The following PRCP variants were observed in gnomAD, a reference collection of about 807,000 sequenced individuals.
PRCP encodes lysosomal Pro-X carboxypeptidase.
Under a neutral mutation model 54.2 loss-of-function variants are expected in PRCP, and 46 were observed. The ratio of observed to expected loss-of-function variants is 0.85; its 90% confidence interval spans 0.67 to 1.09. PRCP has a LOEUF of 1.09. PRCP is among the 50% of genes least tolerant of loss of function. The pLI is 0.00. For missense variants in PRCP, 613 were observed against 596.8 expected (o/e 1.03, Z -0.28); for synonymous variants, 240 against 212.2 (o/e 1.13, Z -1.14).
intron 1 of PRCP, among the ~76,000 whole-genome samples, chr11:82,867,502 T>C (rs1859367030): frequency 6.6e-6 from 1 of 152,224 alleles, no homozygotes; most frequent in South Asian, 2.1e-4. Flanking sequence ...AGGGAGATTC[T>C]ATCTGTTGGT....
chr11:82,847,480 C>T (rs563350588), intron 6 of PRCP, among the ~76,000 whole-genome samples: 38 of 152,326 alleles, frequency 2.5e-4, no homozygotes, highest in African/African-American at 9.1e-4. Flanking sequence ...AGACAGCATA[C>T]ATGAAAGCGC....
chr11:82,879,914 C>G (rs1370764984), intron 1 of PRCP, among the ~76,000 whole-genome samples: 2 of 152,186 alleles, frequency 1.3e-5, no homozygotes, highest in South Asian at 2.1e-4. Flanking sequence ...CTCAGAGGGG[C>G]ACCCAGTTGT....
At position 82,860,081 on chromosome 11, in the gene PRCP, TAA is replaced by T. The variant is rs1407396003; in HGVS notation, c.203_204del (p.Phe68Ter). 6.4e-7 allele frequency: 1 copy of T among 1,565,316 alleles called. No individual in the cohort carries two copies. Among genetic ancestry groups the T allele is most frequent in the Non-Finnish European group, 8.7e-7 (1 of 1,154,860 alleles). On this transcript the variant is annotated frameshift_variant, in exon 2 of 9. Transcript: ENST00000313010. LOFTEE classifies it high-confidence loss of function. ...DHFGFNTVKT[F>X]NQRYLVADKY... ...TTATCAGCTACTAGGTACCGCTGAT[TAA>T]AAGTTTTCACAGTATTAAATCCAAA... is the stretch of plus-strand genomic sequence containing the variant.
intron 1 of PRCP, among the ~76,000 whole-genome samples, chr11:82,872,093 G>A (rs1859495213): frequency 6.6e-6 from 1 of 152,062 alleles, no homozygotes; most frequent in African/African-American, 2.4e-5. Context: ...ATTCATTATT[G>A]TTGTTAATCT....
rs140526213 is a variant in PRCP, at chr11:82,837,190, C to T, written c.1274+1197G>A. The T allele has an allele frequency of 4.7e-4, 98 of 208,054 alleles. 1 individual carries two copies. Among genetic ancestry groups the T allele is most frequent in the Non-Finnish European group, 7.1e-4 (67 of 93,976 alleles). The allele number at this position is 208,054 out of a possible 1,614,324, so 12.9% of individuals were successfully genotyped here. On this transcript the variant is annotated intron_variant, in intron 8 of 8. Coordinates refer to ENST00000313010, the MANE Select transcript of PRCP (RefSeq NM_005040.4). ...TGCCAGTATCAACACCAGGCTGTCA[C>T]GGGCAAATAAGCACAGCTCCATGCC...
At chr11:82,887,312 C>A (rs939191307) in intron 1 of PRCP, among the ~76,000 whole-genome samples, 1 of 152,212 alleles carries the variant, frequency 6.6e-6, no homozygotes, top group African/African-American at 2.4e-5. Flanking sequence ...AAACTGTAAG[C>A]TGCATGAGGC....
Position 82,850,055 on chromosome 11 carries a change from C to T in PRCP, c.610G>A (p.Ala204Thr). The T allele has an allele frequency of 7.0e-7, 1 of 1,419,692 alleles. No homozygotes were observed. Among genetic ancestry groups the T allele is most frequent in the Non-Finnish European group, 9.2e-7 (1 of 1,082,156 alleles). 87.9% of individuals were successfully genotyped at this position (1,419,692 alleles called of 1,614,324 possible). A position where few individuals can be genotyped will look rare whatever the true frequency, so the allele number is the denominator to read the frequency against. The change falls in exon 5 of 9, where the codon GCC becomes ACC. Residue 204 changes from alanine (A) to threonine (T), a missense_variant. Transcript: ENST00000313010. ...HMVVGALAAS[A>T]PIWQFEDLVP... ...AAATCCTCAAACTGCCAGATAGGGG[C>T]AGAAGCTGCAAGAGCTCTAAATGGC...
At chr11:82,866,666 A>C (rs1049602749) in intron 1 of PRCP, among the ~76,000 whole-genome samples, 3 of 152,196 alleles carry the variant, frequency 2.0e-5, no homozygotes, top group African/African-American at 7.2e-5. Context: ...AAAGGCAAGA[A>C]CACAATAGCT....
At chr11:82,851,106 A>G (rs2121145903) in intron 3 of PRCP, among the ~76,000 whole-genome samples, 1 of 152,224 alleles carries the variant, frequency 6.6e-6, no homozygotes, top group East Asian at 1.9e-4. Flanking sequence ...GTTAAGTTTC[A>G]TAAACATCCT....
intron 1 of PRCP, among the ~76,000 whole-genome samples, chr11:82,862,755 G>A (rs968020363): frequency 6.6e-6 from 1 of 152,086 alleles, no homozygotes; most frequent in East Asian, 1.9e-4. Context: ...AGTTTTTATG[G>A]ACGAGGTATG....
intron 1 of PRCP, among the ~76,000 whole-genome samples, chr11:82,875,131 G>A (rs1276209554): frequency 6.6e-6 from 1 of 152,176 alleles, no homozygotes; most frequent in African/African-American, 2.4e-5. Context: ...AGGACTACAT[G>A]TAAATAATCT....
intron 1 of PRCP, among the ~76,000 whole-genome samples, chr11:82,873,427 G>A (rs1859526538): frequency 6.6e-6 from 1 of 152,186 alleles, no homozygotes; most frequent in Admixed American, 6.5e-5. Context: ...TGGCAAAAGA[G>A]TTCCAAGGCC....
At chr11:82,866,154 T>C (rs1320963279) in intron 1 of PRCP, among the ~76,000 whole-genome samples, 3 of 152,136 alleles carry the variant, frequency 2.0e-5, no homozygotes, top group East Asian at 1.9e-4. Context: ...ATCCATACAA[T>C]GAAGATACCA....
At chr11:82,867,336 G>T (rs972457004) in intron 1 of PRCP, among the ~76,000 whole-genome samples, 2 of 152,066 alleles carry the variant, frequency 1.3e-5, no homozygotes, top group Non-Finnish European at 2.9e-5. Flanking sequence ...CCCAGAGGGG[G>T]AATTGCTAAG....
chr11:82,850,223 C>T (rs1262740543), intron 4 of PRCP, 101 bp downstream of exon 4: 1 of 1,165,292 alleles, frequency 8.6e-7, no homozygotes, highest in Non-Finnish European at 1.1e-6. Flanking sequence ...AAGCCAGAAA[C>T]CTCAGGGTAA....
At chr11:82,829,138 C>T (rs1858316078) in intron 8 of PRCP, 1 of 152,178 alleles carries the variant, frequency 6.6e-6, no homozygotes, top group South Asian at 2.1e-4. Flanking sequence ...CTACTCTTGT[C>T]TCCCTACAAT....
intron 1 of PRCP, among the ~76,000 whole-genome samples, chr11:82,896,471 T>C (rs1412411193): frequency 6.6e-6 from 1 of 151,982 alleles, no homozygotes; most frequent in Non-Finnish European, 1.5e-5. Flanking sequence ...AGGTCAGGAA[T>C]TCAAGACCAG....
rs770079081 is a variant in PRCP at position 82,853,293 on chromosome 11, C to CA, written c.310-16dup. The CA allele has an allele frequency of 1.5e-5, 24 of 1,584,230 alleles. No individual in the cohort carries two copies. In the South Asian group the frequency reaches 1.7e-4, roughly 11 times the overall value. Reference sequence around the variant, plus strand: ...CACATGAACCCCTAAGAAGAGTTTACAAAATCACAGGATAAAATCAGAATG... The same window carrying CA: ...CACATGAACCCCTAAGAAGAGTTTACAAAAATCACAGGATAAAATCAGAATG... On this transcript the variant is annotated splice_polypyrimidine_tract_variant and intron_variant, in intron 2 of 8. Transcript: ENST00000313010.
At chr11:82,826,178 T>C (rs1858228673) in intron 8 of PRCP, 1 of 152,232 alleles carries the variant, frequency 6.6e-6, no homozygotes, top group Non-Finnish European at 1.5e-5. Context: ...TCTGAATCTA[T>C]AGATTTGCCT....
Sources: gnomAD v4.1 joint callset for allele counts (sites outside exome capture counted in the v4.1 genomes callset) on GRCh38, gnomAD v4.1.1 for gene constraint, MANE v1.5 for transcripts, NCBI Gene and HGNC (gene_info 2026-07-23, HGNC 2026-07-21) for gene names.